ELK3: variants seen among roughly 807,000 people sequenced by gnomAD.
ELK3 encodes ETS transcription factor ELK3.
ELK3 carries 10 observed loss-of-function variants against 28.9 expected under a neutral mutation model. The ratio of observed to expected loss-of-function variants is 0.35; its 90% CI spans 0.21 to 0.59. ELK3 has a LOEUF of 0.59. ELK3 is among the 20% of genes least tolerant of loss of function. ELK3 has a pLI of 0.82. For missense variants in ELK3, 463 were observed against 517.3 expected (o/e 0.90, Z 1.02); for synonymous variants, 272 against 243.5 (o/e 1.12, Z -1.09).
At chr12:96,234,054 C>T (rs1005551857) in intron 2 of ELK3, among the ~76,000 whole-genome samples, 2 of 152,172 alleles carry the variant, frequency 1.3e-5, no homozygotes, top group Non-Finnish European at 2.9e-5. Context: ...GTGGCTGAAC[C>T]GCCTCATGGA....
At chr12:96,207,753 A>G (rs1951547315) in intron 1 of ELK3, among the ~76,000 whole-genome samples, 1 of 152,252 alleles carries the variant, frequency 6.6e-6, no homozygotes, top group Non-Finnish European at 1.5e-5. Flanking sequence ...AGACTGGGTA[A>G]TGTCAGTATT....
At chr12:96,259,675 T>C in intron 3 of ELK3, 56 bp from the exon 4 acceptor site, 1 of 1,558,896 alleles carries the variant, frequency 6.4e-7, no homozygotes, top group Non-Finnish European at 8.7e-7. Flanking sequence ...GCTCTGTTGA[T>C]CATGGCCCAA....
At chr12:96,228,416 CAAAAAAAAAAAAAA>C (rs71091236) in intron 2 of ELK3, among the ~76,000 whole-genome samples, 6 of 68,324 alleles carry the variant, frequency 8.8e-5, no homozygotes, top group African/African-American at 3.5e-4. Context: ...GACTCTGTGT[CAAAAAAAAAAAAAA>C]AAAAAAAAAA....
At chr12:96,228,416 C>A (rs866818192) in intron 2 of ELK3, among the ~76,000 whole-genome samples, 1,490 of 68,084 alleles carry the variant, frequency 0.022, 20 homozygotes, top group Admixed American at 0.056. Context: ...GACTCTGTGT[C>A]AAAAAAAAAA....
At chr12:96,220,519 C>A (rs1158216731) in intron 1 of ELK3, among the ~76,000 whole-genome samples, 1 of 151,294 alleles carries the variant, frequency 6.6e-6, no homozygotes, top group Non-Finnish European at 1.5e-5. Flanking sequence ...TCCCAAGTAG[C>A]TGTGATTATA....
chr12:96,263,603 TAAAC>T (rs1443809344), intron 4 of ELK3, among the ~76,000 whole-genome samples: 1 of 152,152 alleles, frequency 6.6e-6, no homozygotes, highest in African/African-American at 2.4e-5. Context: ...AGTGGATGAG[TAAAC>T]AAACTGCTGC....
chr12:96,256,091 G>A (rs1010451806), intron 3 of ELK3, among the ~76,000 whole-genome samples: 3 of 152,162 alleles, frequency 2.0e-5, no homozygotes, highest in African/African-American at 7.2e-5. Flanking sequence ...TGGTTGATTT[G>A]GCGATGGGGT....
chr12:96,233,285 C>A (rs1420206953), intron 2 of ELK3, among the ~76,000 whole-genome samples: 3 of 152,158 alleles, frequency 2.0e-5, no homozygotes, highest in African/African-American at 7.2e-5. Context: ...GCTTTCACAA[C>A]CCCTCATCCT....
chr12:96,199,293 C>T (rs772551748), intron 1 of ELK3, among the ~76,000 whole-genome samples: 6 of 152,158 alleles, frequency 3.9e-5, no homozygotes, highest in Admixed American at 6.5e-5. Context: ...ATTACTGTTT[C>T]ATTTTCTATC....
chr12:96,219,041 G>A (rs1951643568), intron 1 of ELK3, among the ~76,000 whole-genome samples: 2 of 152,318 alleles, frequency 1.3e-5, no homozygotes, highest in African/African-American at 4.8e-5. Context: ...GCTCAGAGTG[G>A]TGGGAAATCA....
At chr12:96,229,854 C>T (rs932328767) in intron 2 of ELK3, among the ~76,000 whole-genome samples, 1 of 151,996 alleles carries the variant, frequency 6.6e-6, no homozygotes, top group Non-Finnish European at 1.5e-5. Flanking sequence ...TATGAGGATA[C>T]CGGTCATTGG....
intron 3 of ELK3, among the ~76,000 whole-genome samples, chr12:96,251,768 G>A (rs79459756): frequency 0.055 from 8,422 of 152,290 alleles, 312 homozygotes; most frequent in East Asian, 0.12. Flanking sequence ...TGAGAGAGGC[G>A]AAGAAGCTGC....
At chr12:96,198,740 C>T (rs1951489142) in intron 1 of ELK3, among the ~76,000 whole-genome samples, 1 of 152,034 alleles carries the variant, frequency 6.6e-6, no homozygotes, top group African/African-American at 2.4e-5. Context: ...CACTGTTTAC[C>T]TTTTGATGTG....
intron 3 of ELK3, among the ~76,000 whole-genome samples, chr12:96,251,657 T>C (rs918291714): frequency 6.6e-6 from 1 of 152,194 alleles, no homozygotes; most frequent in South Asian, 2.1e-4. Context: ...ATTGTTGATA[T>C]GGAGAAAGTT....
rs1952017012 is a variant in ELK3, at chr12:96,264,696, C to T, written c.1126-2386C>T. ...ACTACTAGGGAGGCTGAGGTGGCAGCACTGCTTGAGCCCTGGAGGTTGAGG... is the reference window on the plus strand; with the variant it reads ...ACTACTAGGGAGGCTGAGGTGGCAGTACTGCTTGAGCCCTGGAGGTTGAGG... On this transcript the variant is annotated intron_variant, in intron 4 of 4. Transcript: ENST00000228741. Among the ~76,000 whole-genome samples the T allele has an allele frequency of 2.6e-5, 4 of 152,190 alleles. No homozygotes were observed. In the South Asian group the frequency reaches 8.3e-4, roughly 32 times the overall value.
chr12:96,241,756 G>A (rs966024673), intron 2 of ELK3, among the ~76,000 whole-genome samples: 3 of 152,160 alleles, frequency 2.0e-5, no homozygotes, highest in Middle Eastern at 3.2e-3. Flanking sequence ...GGCTACTACT[G>A]CATTCTCAAA....
chr12:96,205,912 C>T (rs1005336969), intron 1 of ELK3, among the ~76,000 whole-genome samples: 3 of 152,212 alleles, frequency 2.0e-5, no homozygotes, highest in African/African-American at 7.2e-5. Flanking sequence ...ATTCTCGATG[C>T]TGGATTGGTG....
intron 2 of ELK3, among the ~76,000 whole-genome samples, chr12:96,232,092 G>A (rs1951745708): frequency 6.6e-6 from 1 of 152,182 alleles, no homozygotes; most frequent in African/African-American, 2.4e-5. Flanking sequence ...GCTGAAAAAA[G>A]TTAGAAGGGA....
At chr12:96,212,536 A>G (rs1173785339) in intron 1 of ELK3, among the ~76,000 whole-genome samples, 1 of 152,180 alleles carries the variant, frequency 6.6e-6, no homozygotes, top group African/African-American at 2.4e-5. Flanking sequence ...TTTCCCTGCA[A>G]TTCCCAGGAC....
Sources: allele counts gnomAD v4.1 joint callset (sites outside exome capture counted in the v4.1 genomes callset), GRCh38; gene constraint gnomAD v4.1.1; transcripts MANE v1.5; gene names NCBI Gene and HGNC (gene_info 2026-07-23, HGNC 2026-07-21).